The following RBMS3 variants were observed in gnomAD, a reference collection of about 807,000 sequenced individuals.
The protein encoded by RBMS3 is RNA binding motif single stranded interacting protein 3, also known as RNA-binding motif, single-stranded-interacting protein 3.
RBMS3 carries 27 observed loss-of-function variants against 66.8 expected under a neutral mutation model. The ratio of observed to expected loss-of-function variants is 0.40; its 90% CI spans 0.30 to 0.56. The LOEUF (loss-of-function observed/expected upper bound fraction) is 0.56. Ranked by LOEUF, RBMS3 falls within the 20% of genes least tolerant of loss-of-function variation. The probability of loss-of-function intolerance (pLI) is 0.40; values close to 1 mark genes in which losing one functional copy is unlikely to be tolerated. For missense variants in RBMS3, 513 were observed against 549.5 expected (o/e 0.93, Z 0.66); for synonymous variants, 188 against 183.0 (o/e 1.03, Z -0.22).
At chr3:29,781,140 C>A (rs955726941) in intron 6 of RBMS3, among the ~76,000 whole-genome samples, 1 of 136,172 alleles carries the variant, frequency 7.3e-6, no homozygotes, top group African/African-American at 2.7e-5. Flanking sequence ...TTCTTAAAAT[C>A]TCCCCTTTTC....
At chr3:29,371,472 A>C (rs766897773) in intron 1 of RBMS3, among the ~76,000 whole-genome samples, 3 of 152,216 alleles carry the variant, frequency 2.0e-5, no homozygotes, top group African/African-American at 4.8e-5. Context: ...AGACACACAC[A>C]TGCTTTACTG....
At position 29,281,715 on chromosome 3, in the gene RBMS3, C is replaced by A; in HGVS notation, c.34C>A (p.Pro12Thr). The stretch of plus-strand genomic sequence containing the variant: ...ACGCCTGGATCAGCCACAAATGTAC[C>A]CCCAGTACACTTACTACTATCCTCA... ...GKRLDQPQMY[P>T]QYTYYYPHYL... Residue 12 changes from proline to threonine, a missense_variant, in exon 1 of 15, where the codon CCC becomes ACC. Pro to Thr is a conservative substitution (Grantham distance 38, BLOSUM62 -1). Transcript: ENST00000383767. 1 of 1,613,468 alleles carries A rather than the reference C, an allele frequency of 6.2e-7. No individual in the cohort carries two copies. The highest frequency in any genetic ancestry group is 1.3e-5 in the African/African-American group (1 of 74,944).
At chr3:29,852,719 A>G (rs1325364762) in intron 6 of RBMS3, among the ~76,000 whole-genome samples, 1 of 152,228 alleles carries the variant, frequency 6.6e-6, no homozygotes, top group Non-Finnish European at 1.5e-5. Context: ...TAGGAGTGTA[A>G]GTTAGTTCAA....
chr3:29,380,596 G>GTT (rs2038717761), intron 1 of RBMS3, among the ~76,000 whole-genome samples: 1 of 152,194 alleles, frequency 6.6e-6, no homozygotes, highest in Non-Finnish European at 1.5e-5. Context: ...ACGAAACTGA[G>GTT]TCATAGAGGG....
At chr3:29,352,937 T>TA (rs397824496) in intron 1 of RBMS3, among the ~76,000 whole-genome samples, 1 of 151,934 alleles carries the variant, frequency 6.6e-6, no homozygotes, top group Non-Finnish European at 1.5e-5. Flanking sequence ...TTTTTTTTTT[T>TA]ATGGCTGTAC....
intron 1 of RBMS3, among the ~76,000 whole-genome samples, chr3:29,365,176 T>A (rs1026192330): frequency 3.3e-5 from 5 of 152,144 alleles, no homozygotes; most frequent in Admixed American, 2.6e-4. Flanking sequence ...AATTTTCACA[T>A]AGATTTTGGA....
intron 3 of RBMS3, among the ~76,000 whole-genome samples, chr3:29,496,026 A>G (rs2043734628): frequency 6.6e-6 from 1 of 152,162 alleles, no homozygotes; most frequent in African/African-American, 2.4e-5. Context: ...ACTAAAATAA[A>G]TGTTCTGTGA....
rs180950148 is a variant in RBMS3, at chr3:29,771,036, T to A, written c.637+8047T>A. 2.9e-3 allele frequency among the ~76,000 whole-genome samples: 436 copies of A among 152,082 alleles called. 6 individuals are homozygous for A. Among genetic ancestry groups the A allele is most frequent in the African/African-American group, 9.7e-3 (401 of 41,526 alleles). ...CTAATTTTTAGAATGATCTAATTTT[T>A]AGAATGAAAAGTCTGCAAAACATAA... On this transcript the variant is annotated intron_variant, in intron 6 of 14. Transcript: ENST00000383767.
At chr3:29,600,377 T>C (rs922286843) in intron 4 of RBMS3, among the ~76,000 whole-genome samples, 6 of 152,026 alleles carry the variant, frequency 3.9e-5, no homozygotes, top group Non-Finnish European at 5.9e-5. Flanking sequence ...CCACAAAAGT[T>C]GGCTATTAAA....
chr3:29,993,080 C>T (rs1051484209), intron 14 of RBMS3, among the ~76,000 whole-genome samples: 3 of 151,644 alleles, frequency 2.0e-5, no homozygotes, highest in African/African-American at 4.9e-5. Flanking sequence ...GGTCTAAAGT[C>T]AGTTTTACAA....
At chr3:29,546,715 G>A (rs1360300828) in intron 3 of RBMS3, among the ~76,000 whole-genome samples, 1 of 152,098 alleles carries the variant, frequency 6.6e-6, no homozygotes, top group East Asian at 1.9e-4. Context: ...GCATTGGGCT[G>A]GGATACAGAA....
At chr3:29,888,248 A>G (rs183975598) in intron 8 of RBMS3, among the ~76,000 whole-genome samples, 1 of 151,874 alleles carries the variant, frequency 6.6e-6, no homozygotes, top group African/African-American at 2.4e-5. Flanking sequence ...CAAGAAACAC[A>G]TTTTAGTTAA....
At chr3:29,442,978 A>G (rs978547444) in intron 2 of RBMS3, among the ~76,000 whole-genome samples, 24 of 152,100 alleles carry the variant, frequency 1.6e-4, no homozygotes, top group African/African-American at 5.6e-4. Context: ...CACAAACAAC[A>G]TCAGCTATTC....
intron 4 of RBMS3, among the ~76,000 whole-genome samples, chr3:29,604,892 G>C (rs367681746): frequency 6.6e-6 from 1 of 151,724 alleles, no homozygotes; most frequent in African/African-American, 2.4e-5. Context: ...TTTTTAATGG[G>C]GTTAGAGCAT....
intron 1 of RBMS3, among the ~76,000 whole-genome samples, chr3:29,294,986 C>A (rs566174872): frequency 1.6e-3 from 245 of 151,562 alleles, no homozygotes; most frequent in African/African-American, 5.6e-3. Flanking sequence ...AGAAAGAAAA[C>A]AAAACACAAT....
intron 2 of RBMS3, among the ~76,000 whole-genome samples, chr3:29,450,035 AGAG>A (rs2041963444): frequency 6.6e-6 from 1 of 152,114 alleles, no homozygotes; most frequent in African/African-American, 2.4e-5. Flanking sequence ...GGGAAAACTG[AGAG>A]AAGCAGAGGA....
At chr3:29,559,510 C>CAAAAAAAAAAAAAAAAAAAA (rs553520590) in intron 3 of RBMS3, among the ~76,000 whole-genome samples, 3 of 41,370 alleles carry the variant, frequency 7.3e-5, no homozygotes, top group East Asian at 4.8e-4. Flanking sequence ...GACTCTGTCT[C>CAAAAAAAAAAAAAAAAAAAA]AAAAAAAAAA....
intron 12 of RBMS3, among the ~76,000 whole-genome samples, chr3:29,965,887 CT>C (rs1380116940): frequency 1.3e-5 from 2 of 152,234 alleles, no homozygotes; most frequent in Admixed American, 6.5e-5. Context: ...CTTAATGCAT[CT>C]TGAGTTGATT....
Position 29,392,137 on chromosome 3 carries a change from C to G in RBMS3, c.76-42606C>G, listed in dbSNP as rs368789156. 1.1e-4 allele frequency among the ~76,000 whole-genome samples: 17 copies of G among 152,250 alleles called. No individual in the cohort carries two copies. The East Asian group carries it at 1.5e-3, about 14-fold the overall frequency. ...TGGTGGCACAAGCCTGTAGTCCCAG[C>G]TACTCGGGAGGCTGAGGCATGAGAA... On this transcript the variant is annotated intron_variant, in intron 1 of 14. Coordinates refer to ENST00000383767, the MANE Select transcript of RBMS3 (RefSeq NM_001003793.3).
Sources: allele counts gnomAD v4.1 joint callset (sites outside exome capture counted in the v4.1 genomes callset), GRCh38; gene constraint gnomAD v4.1.1; transcripts MANE v1.5; gene names NCBI Gene and HGNC (gene_info 2026-07-23, HGNC 2026-07-21).